MAN2A1: variants seen among roughly 807,000 people sequenced by gnomAD.
The protein encoded by MAN2A1 is mannosidase alpha class 2A member 1, also known as alpha-mannosidase 2.
In MAN2A1, 76 loss-of-function variants were observed where a neutral mutation model predicts 142.6. That is an observed-to-expected ratio of 0.53 (90% CI 0.44 to 0.65). The LOEUF (loss-of-function observed/expected upper bound fraction) is 0.65, where lower values mean the gene tolerates loss of function less well. Among genes scored for constraint, MAN2A1 ranks in the 30% least tolerant of loss-of-function variants. MAN2A1 has a pLI of 0.00. For missense variants in MAN2A1, 1,311 were observed against 1,365.1 expected (o/e 0.96, Z 0.62); for synonymous variants, 559 against 473.2 (o/e 1.18, Z -2.35).
intron 6 of MAN2A1, among the ~76,000 whole-genome samples, chr5:109,769,511 A>G (rs1309973432): frequency 6.6e-6 from 1 of 152,220 alleles, no homozygotes; most frequent in African/African-American, 2.4e-5. Context: ...GGGGCTATTT[A>G]AAAGCTCAGG....
intron 12 of MAN2A1, 128 bp downstream of exon 12, chr5:109,789,655 A>G: frequency 6.4e-6 from 4 of 627,750 alleles, no homozygotes; most frequent in South Asian, 2.4e-5. Flanking sequence ...CTCCTAAAAA[A>G]TGGATTTTCT....
Position 109,729,504 on chromosome 5 carries a change from C to G in MAN2A1, c.698C>G (p.Ala233Gly). Residue 233 changes from alanine to glycine, a missense_variant, in exon 4 of 22, where the codon GCT becomes GGT. Around this residue, in one of 3 missense-constraint regions of MAN2A1, gnomAD observed 409 missense variants for 412.7 expected, o/e 0.99. Coordinates refer to ENST00000261483, the MANE Select transcript of MAN2A1 (RefSeq NM_002372.4). ...ATTATAGATATTCAGAAGAAGGATG[C>G]TGTTAAAAGGTTTGTTTTAAAACTT... ...WDIIDIQKKDAVKSLIENGQL... is the reference protein window; with the variant it reads ...WDIIDIQKKDGVKSLIENGQL... The G allele has an allele frequency of 1.3e-6, 2 of 1,521,630 alleles. No individual in the cohort carries two copies. Among genetic ancestry groups the G allele is most frequent in the Non-Finnish European group, 1.8e-6 (2 of 1,134,892 alleles). 94.3% of individuals were successfully genotyped at this position (1,521,630 alleles called of 1,614,324 possible).
At chr5:109,714,454 T>G (rs1751397938) in intron 2 of MAN2A1, among the ~76,000 whole-genome samples, 1 of 152,206 alleles carries the variant, frequency 6.6e-6, no homozygotes, top group Non-Finnish European at 1.5e-5. Context: ...AACTGCTTTG[T>G]TTTACTAGAA....
intron 19 of MAN2A1, among the ~76,000 whole-genome samples, chr5:109,848,709 C>T (rs1162301209): frequency 2.0e-5 from 3 of 152,194 alleles, no homozygotes; most frequent in African/African-American, 7.2e-5. Context: ...CTCTTTCTCC[C>T]TTGCTCCTCA....
Position 109,788,925 on chromosome 5 carries a change from G to A in MAN2A1, c.1761-9G>A. 1 of 1,339,424 alleles carries A rather than the reference G, an allele frequency of 7.5e-7. No individual in the cohort carries two copies. The highest frequency in any genetic ancestry group is 1.1e-6 in the Non-Finnish European group (1 of 939,964). 83.0% of individuals were successfully genotyped at this position (1,339,424 alleles called of 1,614,324 possible). A position where few individuals can be genotyped will look rare whatever the true frequency, so the allele number is the denominator to read the frequency against. On this transcript the variant is annotated splice_polypyrimidine_tract_variant and intron_variant, in intron 10 of 21. Transcript: ENST00000261483. Reference sequence around the variant, plus strand: ...TGTTTCTCAGACTAATAAAATTTTTGATTTACAGACTTTTTCATTCGTTAA... The same window carrying A: ...TGTTTCTCAGACTAATAAAATTTTTAATTTACAGACTTTTTCATTCGTTAA...
At chr5:109,705,191 C>T (rs917190765) in intron 1 of MAN2A1, among the ~76,000 whole-genome samples, 4 of 152,096 alleles carry the variant, frequency 2.6e-5, no homozygotes, top group Non-Finnish European at 5.9e-5. Flanking sequence ...CTTTCATGTT[C>T]CTTCCCTTCC....
chr5:109,695,954 T>A (rs1335063631), intron 1 of MAN2A1, among the ~76,000 whole-genome samples: 1 of 152,206 alleles, frequency 6.6e-6, no homozygotes, highest in Non-Finnish European at 1.5e-5. Flanking sequence ...TTAGTGAGTA[T>A]AGCTAAATGT....
intron 12 of MAN2A1, among the ~76,000 whole-genome samples, chr5:109,802,763 C>A (rs773916725): frequency 2.0e-5 from 3 of 151,776 alleles, no homozygotes; most frequent in Non-Finnish European, 4.4e-5. Context: ...TTTTTCTTTG[C>A]GAGAATTCAT....
chr5:109,717,094 G>T (rs990041276), intron 3 of MAN2A1, among the ~76,000 whole-genome samples: 11 of 152,012 alleles, frequency 7.2e-5, no homozygotes, highest in African/African-American at 2.7e-4. Flanking sequence ...GGAGAGGGGG[G>T]TGTATTTCCA....
At chr5:109,752,422 C>T (rs1185796672) in intron 4 of MAN2A1, among the ~76,000 whole-genome samples, 1 of 152,188 alleles carries the variant, frequency 6.6e-6, no homozygotes, top group African/African-American at 2.4e-5. Context: ...CCATTATCTG[C>T]CAAGCAAGCT....
At chr5:109,733,276 G>A (rs910099028) in intron 4 of MAN2A1, among the ~76,000 whole-genome samples, 3 of 152,144 alleles carry the variant, frequency 2.0e-5, no homozygotes, top group Non-Finnish European at 2.9e-5. Flanking sequence ...AGACGATGGG[G>A]TTTTCTAGAT....
At chr5:109,693,121 C>G (rs1158526773) in intron 1 of MAN2A1, among the ~76,000 whole-genome samples, 1 of 152,026 alleles carries the variant, frequency 6.6e-6, no homozygotes, top group East Asian at 1.9e-4. Flanking sequence ...ACTAAAGGAA[C>G]TTTTATTTTG....
intron 12 of MAN2A1, among the ~76,000 whole-genome samples, chr5:109,793,032 A>G (rs1753773915): frequency 6.6e-6 from 1 of 152,094 alleles, no homozygotes; most frequent in Admixed American, 6.6e-5. Flanking sequence ...CCAAGATTCA[A>G]GGGGAGGGAA....
chr5:109,832,177 T>TTTC (rs1561534491), intron 16 of MAN2A1, among the ~76,000 whole-genome samples: 2 of 145,940 alleles, frequency 1.4e-5, no homozygotes, highest in East Asian at 4.0e-4. Flanking sequence ...TTTTTTTTTT[T>TTTC]TTTTTTTTTA....
At chr5:109,789,740 A>G (rs891547881) in intron 12 of MAN2A1, among the ~76,000 whole-genome samples, 2 of 151,844 alleles carry the variant, frequency 1.3e-5, no homozygotes, top group Non-Finnish European at 2.9e-5. Context: ...AAATTATTAT[A>G]ACAATATTTC....
At position 109,690,051 on chromosome 5, in the gene MAN2A1, T is replaced by C. The variant is rs561677193; in HGVS notation, c.-367T>C. ...GAGAAAACTTTTCCTGCCGACTCAG[T>C]TGGGGCGGCGGTGGCAGGAAGTGCG... is the stretch of plus-strand genomic sequence containing the variant. On this transcript the variant is annotated 5_prime_UTR_variant, in exon 1 of 22. Transcript: ENST00000261483. The C allele has an allele frequency of 1.6e-3, 353 of 223,700 alleles. 2 individuals are homozygous for C. Among genetic ancestry groups the C allele is most frequent in the African/African-American group, 7.7e-3 (325 of 42,392 alleles). The allele number at this position is 223,700 out of a possible 1,614,324, so 13.9% of individuals were successfully genotyped here.
chr5:109,766,062 T>G lies in MAN2A1; in HGVS notation c.836-1473T>G, dbSNP rs186899680. 4.8e-4 allele frequency among the ~76,000 whole-genome samples: 73 copies of G among 152,264 alleles called. No homozygotes were observed. The East Asian group carries it at 0.014, about 29-fold the overall frequency. ...TTGCATCTAGGTCCTTCAAGTGCAC[T>G]GAGTTGGAAAATTTGTGTATGTTTG... On this transcript the variant is annotated intron_variant, in intron 5 of 21. Transcript: ENST00000261483.
rs778551154 is a variant in MAN2A1, at chr5:109,690,457, A to G, written c.40A>G (p.Ile14Val). ...CCAGTTCACCGTGTTCGGCAGTGCG[A>G]TCTTCTGTGTGGTGATTTTCTCGCT... ...SRQFTVFGSAIFCVVIFSLYL... is the reference protein window; with the variant it reads ...SRQFTVFGSAVFCVVIFSLYL... Residue 14 changes from isoleucine to valine, a missense_variant, in exon 1 of 22, where the codon ATC (isoleucine) becomes GTC (valine). Ile to Val is a conservative substitution (Grantham distance 29, BLOSUM62 3). Around this residue, in one of 3 missense-constraint regions of MAN2A1, gnomAD observed 409 missense variants for 412.7 expected, o/e 0.99. Coordinates refer to ENST00000261483, the MANE Select transcript of MAN2A1 (RefSeq NM_002372.4). 23 of 1,613,852 alleles carry G rather than the reference A, an allele frequency of 1.4e-5. No homozygotes were observed. The South Asian group carries it at 2.3e-4, about 16-fold the overall frequency.
chr5:109,747,035 C>G (rs572738639), intron 4 of MAN2A1, among the ~76,000 whole-genome samples: 14 of 152,168 alleles, frequency 9.2e-5, no homozygotes, highest in Non-Finnish European at 1.8e-4. Context: ...CTAATACATA[C>G]CACAGCTTAT....
Sources: allele counts gnomAD v4.1 joint callset (sites outside exome capture counted in the v4.1 genomes callset), GRCh38; gene constraint gnomAD v4.1.1; regional missense constraint gnomAD v4.1.1; transcripts MANE v1.5; gene names NCBI Gene and HGNC (gene_info 2026-07-23, HGNC 2026-07-21).